The following KLB variants were observed in gnomAD, a reference collection of about 807,000 sequenced individuals.
The protein encoded by KLB is klotho beta.
Under a neutral mutation model 88.4 loss-of-function variants are expected in KLB, and 44 were observed. The ratio of observed to expected loss-of-function variants is 0.50; its 90% CI spans 0.39 to 0.64. The LOEUF is 0.64. Among genes scored for constraint, KLB ranks in the 30% least tolerant of loss-of-function variants. The pLI, the probability that KLB is intolerant of heterozygous loss-of-function variation, is 0.00. For synonymous variants in KLB, 548 were observed against 513.4 expected (o/e 1.07, Z -0.91); for missense variants, 1,137 against 1,304.8 (o/e 0.87, Z 1.98).
intron 1 of KLB, among the ~76,000 whole-genome samples, chr4:39,427,158 G>C (rs768114575): frequency 6.6e-6 from 1 of 152,092 alleles, no homozygotes; most frequent in Non-Finnish European, 1.5e-5. Context: ...AACATAGTGA[G>C]AGGTTGTCTT....
intron 1 of KLB, among the ~76,000 whole-genome samples, chr4:39,408,691 T>C (rs1210643850): frequency 1.3e-5 from 2 of 152,038 alleles, no homozygotes; most frequent in Non-Finnish European, 2.9e-5. Context: ...AATGACAACA[T>C]AATTAACACT....
intron 4 of KLB, among the ~76,000 whole-genome samples, chr4:39,447,925 G>A (rs550595667): frequency 6.6e-6 from 1 of 152,336 alleles, no homozygotes; most frequent in East Asian, 1.9e-4. Context: ...AACCAACTGT[G>A]ATTCCTGGGC....
At position 39,447,314 on chromosome 4, in the gene KLB, CTG is replaced by C; in HGVS notation, c.2591_2592del (p.Val864AspfsTer36). On this transcript the variant is annotated frameshift_variant, in exon 4 of 5. Transcript: ENST00000257408. LOFTEE classifies it high-confidence loss of function. The stretch of plus-strand genomic sequence containing the variant: ...CGCCTGAGCTCCCCCACGCGCCTGG[CTG>C]TGATTCCCTGGGGGGTGCGCAAGCT... 6.2e-7 allele frequency: 1 copy of C among 1,614,096 alleles called. No homozygotes were observed. Among genetic ancestry groups the C allele is most frequent in the East Asian group, 2.2e-5 (1 of 44,884 alleles).
At chr4:39,430,593 ATTTTTTT>A (rs373054180) in intron 1 of KLB, among the ~76,000 whole-genome samples, 3 of 87,678 alleles carry the variant, frequency 3.4e-5, no homozygotes, top group East Asian at 3.4e-4. Context: ...CTGAGAGGAA[ATTTTTTT>A]TTTTTTTTTT....
Position 39,449,349 on chromosome 4 carries a change from CTTTGT to C in KLB, c.*670_*674del, listed in dbSNP as rs1246797469. On this transcript the variant is annotated 3_prime_UTR_variant, in exon 5 of 5. Transcript: ENST00000257408. Reference sequence around the variant, plus strand: ...AAAAAAAAAAAAAGCAAAAGCAAAACTTTGTTTTGTTAGACTCTACAGCAGAGATT... The same window carrying C: ...AAAAAAAAAAAAAGCAAAAGCAAAACTTTGTTAGACTCTACAGCAGAGATT... 4 of 147,804 alleles carry C rather than the reference CTTTGT, an allele frequency of 2.7e-5. No individual in the cohort carries two copies. Among genetic ancestry groups the C allele is most frequent in the South Asian group, 4.3e-4 (2 of 4,640 alleles). 9.2% of individuals were successfully genotyped at this position (147,804 alleles called of 1,614,324 possible). A position where few individuals can be genotyped will look rare whatever the true frequency, so the allele number is the denominator to read the frequency against.
At chr4:39,416,117 A>C in intron 1 of KLB, among the ~76,000 whole-genome samples, 1 of 151,902 alleles carries the variant, frequency 6.6e-6, no homozygotes. Flanking sequence ...AGACACACAC[A>C]CACACACACA....
chr4:39,434,607 A>G lies in KLB; in HGVS notation c.1223A>G (p.Asn408Ser), dbSNP rs1476899935. 6.2e-7 allele frequency: 1 copy of G among 1,614,176 alleles called. No homozygotes were observed. Among genetic ancestry groups the G allele is most frequent in the East Asian group, 2.2e-5 (1 of 44,892 alleles). Residue 408 changes from asparagine (N) to serine (S), a missense_variant, in exon 2 of 5, where the codon AAC (asparagine) becomes AGC (serine). Asn to Ser is a conservative substitution (Grantham distance 46, BLOSUM62 1). This residue lies in a region of KLB where 597 missense variants were observed against 765.2 expected (regional missense o/e 0.78). Coordinates refer to ENST00000257408, the MANE Select transcript of KLB (RefSeq NM_175737.4). ...EALNWIKLEYNNPRILIAENG... is the reference protein window; with the variant it reads ...EALNWIKLEYSNPRILIAENG... ...CTGAACTGGATTAAACTGGAATACA[A>G]CAACCCTCGAATCTTGATTGCTGAG...
In KLB at chr4:39,447,326, G is replaced by C; in HGVS notation, c.2600G>C (p.Trp867Ser). The C allele has an allele frequency of 6.2e-7, 1 of 1,614,030 alleles. No individual in the cohort carries two copies. The highest frequency in any genetic ancestry group is 8.5e-7 in the Non-Finnish European group (1 of 1,179,958). Reference protein sequence around the residue: ...SSPTRLAVIPWGVRKLLRWVR... With the variant: ...SSPTRLAVIPSGVRKLLRWVR... ...CCCACGCGCCTGGCTGTGATTCCCT[G>C]GGGGGTGCGCAAGCTGCTGCGGTGG... The change falls in exon 4 of 5, where the codon TGG becomes TCG. Residue 867 changes from tryptophan (W) to serine (S), a missense_variant. Trp to Ser is a radical substitution (Grantham distance 177, BLOSUM62 -3). Transcript: ENST00000257408.
intron 3 of KLB, among the ~76,000 whole-genome samples, chr4:39,439,874 G>A (rs1014045354): frequency 1.3e-5 from 2 of 151,876 alleles, no homozygotes; most frequent in African/African-American, 2.4e-5. Context: ...CACCATGTTG[G>A]CCAAACTGGC....
chr4:39,426,024 G>A (rs1457199292), intron 1 of KLB, among the ~76,000 whole-genome samples: 6 of 151,948 alleles, frequency 3.9e-5, no homozygotes, highest in Admixed American at 2.6e-4. Context: ...AGGCCGAGGC[G>A]GGCGGATCAC....
intron 1 of KLB, among the ~76,000 whole-genome samples, chr4:39,424,755 G>GA: frequency 2.0e-5 from 3 of 151,786 alleles, no homozygotes; most frequent in Admixed American, 2.0e-4. Context: ...CAGCCTCCCT[G>GA]GTAGCTGGGA....
rs898331650 is a variant in KLB at position 39,451,513 on chromosome 4, T to C, written c.*2827T>C. 2 of 152,262 alleles carry C rather than the reference T, an allele frequency of 1.3e-5. No homozygotes were observed. The highest frequency in any genetic ancestry group is 1.5e-5 in the Non-Finnish European group (1 of 68,044). The allele number at this position is 152,262 out of a possible 1,614,324, so 9.4% of individuals were successfully genotyped here. On this transcript the variant is annotated 3_prime_UTR_variant, in exon 5 of 5. Transcript: ENST00000257408. Reference sequence around the variant, plus strand: ...TTATTCCAAATAAACTGGTTCATGCTGACCACTTGTATTCAACTAACAACC... The same window carrying C: ...TTATTCCAAATAAACTGGTTCATGCCGACCACTTGTATTCAACTAACAACC...
intron 1 of KLB, among the ~76,000 whole-genome samples, chr4:39,417,896 C>A (rs990146896): frequency 6.6e-6 from 1 of 152,102 alleles, no homozygotes; most frequent in African/African-American, 2.4e-5. Flanking sequence ...GGATAAGTAT[C>A]AAAGCCAAAA....
Position 39,434,433 on chromosome 4 carries a change from C to T in KLB, c.1049C>T (p.Ser350Phe). Residue 350 changes from serine (S) to phenylalanine (F), a missense_variant, in exon 2 of 5, where the codon TCC (serine) becomes TTC (phenylalanine). By Grantham distance (155) the Ser-to-Phe change is radical. Coordinates refer to ENST00000257408, the MANE Select transcript of KLB (RefSeq NM_175737.4). ...YPEGMRKKLF[S>F]VLPIFSEAEK... ...GAGGGGATGAGAAAGAAGTTGTTCT[C>T]CGTTCTACCCATTTTCTCTGAAGCA... The T allele has an allele frequency of 6.2e-7, 1 of 1,614,174 alleles. No individual in the cohort carries two copies.
chr4:39,421,594 A>C (rs1743084990), intron 1 of KLB, among the ~76,000 whole-genome samples: 1 of 152,202 alleles, frequency 6.6e-6, no homozygotes, highest in Admixed American at 6.5e-5. Flanking sequence ...TACTAAAAAT[A>C]CAAAAAATAA....
chr4:39,424,707 C>T (rs934766602), intron 1 of KLB, among the ~76,000 whole-genome samples: 2 of 150,978 alleles, frequency 1.3e-5, no homozygotes, highest in Non-Finnish European at 2.9e-5. Context: ...TCTCGGCTCA[C>T]TGCAACCTTT....
chr4:39,415,959 C>T (rs1380146459), intron 1 of KLB, among the ~76,000 whole-genome samples: 2 of 152,096 alleles, frequency 1.3e-5, no homozygotes, highest in African/African-American at 2.4e-5. Context: ...TTTAACATTT[C>T]CTGGCATAAT....
chr4:39,448,381 T>C lies in KLB; in HGVS notation c.2830T>C (p.Phe944Leu), dbSNP rs1422236361. 4 of 1,613,222 alleles carry C rather than the reference T, an allele frequency of 2.5e-6. No individual in the cohort carries two copies. Among genetic ancestry groups the C allele is most frequent in the Non-Finnish European group, 3.4e-6 (4 of 1,179,276 alleles). ...AGAGAAATCTAAACCCAGATTTGGA[T>C]TCTTCACATCTGATTTTAAAGCTAA... Reference protein sequence around the residue: ...AEEKSKPRFGFFTSDFKAKSS... With the variant: ...AEEKSKPRFGLFTSDFKAKSS... The change falls in exon 5 of 5, where the codon TTC becomes CTC. Residue 944 changes from phenylalanine to leucine, a missense_variant. Phe to Leu is a conservative substitution (Grantham distance 22). This residue lies in a region of KLB where 426 missense variants were observed against 404.6 expected (regional missense o/e 1.05). Transcript: ENST00000257408.
chr4:39,424,996 C>G (rs886446042), intron 1 of KLB, among the ~76,000 whole-genome samples: 1 of 152,114 alleles, frequency 6.6e-6, no homozygotes, highest in African/African-American at 2.4e-5. Context: ...AGTCACCAAC[C>G]CAGACCATTT....
Sources: gnomAD v4.1 joint callset for allele counts (sites outside exome capture counted in the v4.1 genomes callset) on GRCh38, gnomAD v4.1.1 for gene constraint, gnomAD v4.1.1 regional missense constraint, MANE v1.5 for transcripts, NCBI Gene and HGNC (gene_info 2026-07-23, HGNC 2026-07-21) for gene names.